Variants in MAGI1 observed in about 807,000 individuals in gnomAD.
MAGI1 encodes the protein membrane associated guanylate kinase, WW and PDZ domain containing 1.
A neutral mutation model predicts 139.9 loss-of-function variants in MAGI1; 58 were observed. The ratio of observed to expected loss-of-function variants is 0.41; its 90% CI spans 0.34 to 0.52. The LOEUF is 0.52. Among genes scored for constraint, MAGI1 ranks in the 20% least tolerant of loss-of-function variants. The pLI is 0.12. For synonymous variants in MAGI1, 812 were observed against 737.9 expected (o/e 1.10, Z -1.63); for missense variants, 1,874 against 1,901.6 (o/e 0.99, Z 0.27).
intron 1 of MAGI1, among the ~76,000 whole-genome samples, chr3:66,035,738 G>A (rs778048948): frequency 6.6e-6 from 1 of 151,950 alleles, no homozygotes; most frequent in African/African-American, 2.4e-5. Context: ...CCACACACTC[G>A]CCCCTGCTGT....
At chr3:66,011,489 T>C (rs907681083) in intron 1 of MAGI1, among the ~76,000 whole-genome samples, 1 of 152,132 alleles carries the variant, frequency 6.6e-6, no homozygotes, top group African/African-American at 2.4e-5. Flanking sequence ...TGCTGTACTA[T>C]GCCACCCGCC....
At chr3:65,776,089 T>C (rs895187271) in intron 1 of MAGI1, among the ~76,000 whole-genome samples, 1 of 152,220 alleles carries the variant, frequency 6.6e-6, no homozygotes, top group Non-Finnish European at 1.5e-5. Flanking sequence ...TAAGAATTTT[T>C]TGTTGTCCTT....
At chr3:65,955,576 T>G (rs1383319000) in intron 1 of MAGI1, among the ~76,000 whole-genome samples, 1 of 152,222 alleles carries the variant, frequency 6.6e-6, no homozygotes, top group Non-Finnish European at 1.5e-5. Flanking sequence ...AGTGGTGGCA[T>G]GATGAATATC....
chr3:65,579,024 T>G (rs2081303966), intron 2 of MAGI1, among the ~76,000 whole-genome samples: 5 of 148,030 alleles, frequency 3.4e-5, no homozygotes, highest in East Asian at 2.0e-4. Flanking sequence ...GGGGGAGGGG[T>G]GGGGGTCACT....
chr3:65,921,005 G>A, intron 1 of MAGI1, among the ~76,000 whole-genome samples: 1 of 151,928 alleles, frequency 6.6e-6, no homozygotes, highest in East Asian at 1.9e-4. Flanking sequence ...CTCCAGCCTG[G>A]GTGACAGAGC....
At chr3:65,486,047 AG>A (rs1199110367) in intron 3 of MAGI1, among the ~76,000 whole-genome samples, 8 of 152,190 alleles carry the variant, frequency 5.3e-5, no homozygotes, top group Non-Finnish European at 1.2e-4. Flanking sequence ...ACTGCTTCTA[AG>A]GCCTGCCAAA....
chr3:65,973,655 T>C (rs528418233), intron 1 of MAGI1, among the ~76,000 whole-genome samples: 3 of 152,366 alleles, frequency 2.0e-5, no homozygotes, highest in African/African-American at 7.2e-5. Flanking sequence ...TTTTGGACTT[T>C]GTTCCTAATT....
chr3:65,448,133 A>G, intron 6 of MAGI1, 76 bp from the exon 7 acceptor site: 5 of 1,333,708 alleles, frequency 3.7e-6, no homozygotes, highest in Non-Finnish European at 5.4e-6. Context: ...AAGAAAGGAA[A>G]TCTCCTCAGG....
intron 1 of MAGI1, among the ~76,000 whole-genome samples, chr3:65,901,733 CA>C (rs1245839188): frequency 6.6e-6 from 1 of 152,124 alleles, no homozygotes; most frequent in Non-Finnish European, 1.5e-5. Context: ...GCGAAAAAGG[CA>C]AATTTTGTAT....
At chr3:65,376,873 C>A (rs529924735) in intron 17 of MAGI1, among the ~76,000 whole-genome samples, 107 of 152,282 alleles carry the variant, frequency 7.0e-4, no homozygotes, top group Non-Finnish European at 1.5e-3. Flanking sequence ...TTTATTCGTG[C>A]ACTTTGAGGC....
In MAGI1 at chr3:65,896,279, C is replaced by T. The variant is rs1297806367; in HGVS notation, c.313+141717G>A. On this transcript the variant is annotated intron_variant, in intron 1 of 22. Coordinates refer to ENST00000402939, the MANE Select transcript of MAGI1 (RefSeq NM_001033057.2). ...ATATAATAAGTATTTTTATTATTAT[C>T]ACTAACAGCAGTAATCACGACAAAA... is the stretch of plus-strand genomic sequence containing the variant. 5.3e-5 allele frequency among the ~76,000 whole-genome samples: 8 copies of T among 150,892 alleles called. No individual in the cohort carries two copies. The East Asian group carries it at 1.6e-3, about 29-fold the overall frequency.
chr3:65,654,554 C>T (rs1271759160), intron 1 of MAGI1, among the ~76,000 whole-genome samples: 1 of 152,122 alleles, frequency 6.6e-6, no homozygotes, highest in Non-Finnish European at 1.5e-5. Flanking sequence ...TTAAAAGCTT[C>T]AAATTCAAAT....
intron 1 of MAGI1, among the ~76,000 whole-genome samples, chr3:65,915,093 G>A (rs1334121379): frequency 6.6e-6 from 1 of 152,172 alleles, no homozygotes; most frequent in East Asian, 1.9e-4. Context: ...GGCAAATTGT[G>A]TGGTAAATGA....
chr3:65,759,566 C>G (rs73832946), intron 1 of MAGI1, among the ~76,000 whole-genome samples: 2,998 of 152,304 alleles, frequency 0.02, 91 homozygotes, highest in African/African-American at 0.068. Context: ...TACTATCTAT[C>G]TCAGCCAGCA....
chr3:65,541,196 A>C (rs1184228231), intron 2 of MAGI1, among the ~76,000 whole-genome samples: 2 of 152,190 alleles, frequency 1.3e-5, no homozygotes, highest in Admixed American at 6.5e-5. Context: ...TCCTGGACAC[A>C]AACACCCTCC....
intron 2 of MAGI1, among the ~76,000 whole-genome samples, chr3:65,496,805 A>G (rs1952490567): frequency 6.6e-6 from 1 of 152,252 alleles, no homozygotes; most frequent in Non-Finnish European, 1.5e-5. Flanking sequence ...TAAGTATCCT[A>G]GCACTTAAAA....
intron 9 of MAGI1, 46 bp from the exon 10 acceptor site, chr3:65,437,293 C>T (rs188469349): frequency 8.3e-7 from 1 of 1,208,240 alleles, no homozygotes; most frequent in African/African-American, 1.5e-5. Flanking sequence ...TCAAATGGCT[C>T]ATTGAGTTAC....
At chr3:65,945,809 C>T (rs1481413226) in intron 1 of MAGI1, among the ~76,000 whole-genome samples, 5 of 152,212 alleles carry the variant, frequency 3.3e-5, no homozygotes, top group Non-Finnish European at 5.9e-5. Context: ...GTGAATCATT[C>T]GTTGCTCACT....
chr3:65,696,204 T>C (rs1453992941), intron 1 of MAGI1, among the ~76,000 whole-genome samples: 5 of 152,148 alleles, frequency 3.3e-5, no homozygotes, highest in African/African-American at 1.2e-4. Context: ...CAGGTACCTA[T>C]TCAACTCACC....
Sources: allele counts gnomAD v4.1 joint callset (sites outside exome capture counted in the v4.1 genomes callset), GRCh38; gene constraint gnomAD v4.1.1; transcripts MANE v1.5; gene names NCBI Gene and HGNC (gene_info 2026-07-23, HGNC 2026-07-21).